Variants in YIPF1 observed in about 807,000 individuals in gnomAD.
YIPF1 encodes the protein protein YIPF1.
Under a neutral mutation model 37.0 loss-of-function variants are expected in YIPF1, and 22 were observed. The ratio of observed to expected loss-of-function variants is 0.59; its 90% confidence interval spans 0.42 to 0.85. The LOEUF (loss-of-function observed/expected upper bound fraction) is 0.85. Among genes scored for constraint, YIPF1 ranks in the 40% least tolerant of loss-of-function variants. The pLI is 0.00. For synonymous variants in YIPF1, 128 were observed against 131.9 expected (o/e 0.97, Z 0.21); for missense variants, 355 against 373.1 (o/e 0.95, Z 0.40).
At chr1:53,884,254 C>G (rs1231591817) in intron 3 of YIPF1, among the ~76,000 whole-genome samples, 1 of 129,838 alleles carries the variant, frequency 7.7e-6, no homozygotes, top group African/African-American at 3.0e-5. Flanking sequence ...AAAAAAAACC[C>G]AAAAAACAAA....
rs183429316 is a variant in YIPF1, at chr1:53,864,066, A to C, written c.831+2134T>G. 2.2e-3 allele frequency among the ~76,000 whole-genome samples: 337 copies of C among 152,234 alleles called. 1 individual carries two copies. The highest frequency in any genetic ancestry group is 7.9e-3 in the African/African-American group (327 of 41,530). On this transcript the variant is annotated intron_variant, in intron 9 of 10. Transcript: ENST00000072644. Reference sequence around the variant, plus strand: ...CTGAAGTGGGTTCTTAATAATAACCATAATAGCTCCCTGCTTCACTGCTCA... The same window carrying C: ...CTGAAGTGGGTTCTTAATAATAACCCTAATAGCTCCCTGCTTCACTGCTCA...
In YIPF1 at chr1:53,869,332, G is replaced by T. The variant is rs188843726; in HGVS notation, c.481+2040C>A. On this transcript the variant is annotated intron_variant, in intron 7 of 10. Coordinates refer to ENST00000072644, the MANE Select transcript of YIPF1 (RefSeq NM_018982.5). Reference sequence around the variant, plus strand: ...ATTGAATATATGTGCACATATTTTTGTGTGTGTGTGTGTGTATAGTAATAG... The same window carrying T: ...ATTGAATATATGTGCACATATTTTTTTGTGTGTGTGTGTGTATAGTAATAG... 8.1e-3 allele frequency among the ~76,000 whole-genome samples: 1,202 copies of T among 148,144 alleles called. 10 individuals carry two copies. Among genetic ancestry groups the T allele is most frequent in the African/African-American group, 0.029 (1,145 of 39,200 alleles).
At position 53,888,868 on chromosome 1, in the gene YIPF1, GTGA is replaced by G. The variant is rs1650726521; in HGVS notation, c.31+36_31+38del. On this transcript the variant is annotated intron_variant, in intron 3 of 10. Coordinates refer to ENST00000072644, the MANE Select transcript of YIPF1 (RefSeq NM_018982.5). Reference sequence around the variant, plus strand: ...AATACTTGCTGTGACTGTAGCAACAGTGATCATAAATATAAAGGTGGGCACCCA... The same window carrying G: ...AATACTTGCTGTGACTGTAGCAACAGTCATAAATATAAAGGTGGGCACCCA... 3 of 1,544,686 alleles carry G rather than the reference GTGA, an allele frequency of 1.9e-6. No individual in the cohort carries two copies. In the African/African-American group the frequency reaches 4.1e-5, roughly 21 times the overall value.
At chr1:53,854,874 T>C (rs1411849678) in intron 10 of YIPF1, 1 of 151,980 alleles carries the variant, frequency 6.6e-6, no homozygotes, top group Non-Finnish European at 1.5e-5. Flanking sequence ...GGAGCTATAT[T>C]GGTAAATAAA....
At chr1:53,885,816 T>C (rs1451776336) in intron 3 of YIPF1, among the ~76,000 whole-genome samples, 1 of 36,492 alleles carries the variant, frequency 2.7e-5, no homozygotes, top group Non-Finnish European at 4.9e-5. Flanking sequence ...CGAGACTCGG[T>C]CTCAAAAAAA....
Position 53,851,845 on chromosome 1 carries a change from T to C in YIPF1, c.*434A>G, listed in dbSNP as rs1040819853. ...CCCACCAAAGTTTCTACTGTTCGGCTACTTCAGGATGGCTAACATTTGGAG... is the reference window on the plus strand; with the variant it reads ...CCCACCAAAGTTTCTACTGTTCGGCCACTTCAGGATGGCTAACATTTGGAG... On this transcript the variant is annotated 3_prime_UTR_variant, in exon 11 of 11. Transcript: ENST00000072644. 1 of 152,238 alleles carries C rather than the reference T, an allele frequency of 6.6e-6. No homozygotes were observed. Among genetic ancestry groups the C allele is most frequent in the Admixed American group, 6.5e-5 (1 of 15,282 alleles). 9.4% of individuals were successfully genotyped at this position (152,238 alleles called of 1,614,324 possible).
At chr1:53,865,241 G>C (rs549322226) in intron 9 of YIPF1, among the ~76,000 whole-genome samples, 137 of 152,098 alleles carry the variant, frequency 9.0e-4, no homozygotes, top group African/African-American at 3.3e-3. Flanking sequence ...TTCTAGGTAT[G>C]TGCAGAAAAT....
intron 7 of YIPF1, among the ~76,000 whole-genome samples, chr1:53,870,847 T>C (rs1367086149): frequency 6.6e-6 from 1 of 151,078 alleles, no homozygotes; most frequent in African/African-American, 2.4e-5. Context: ...CCTATCTCTA[T>C]AAAAAAATAG....
chr1:53,885,718 G>A (rs1431440583), intron 3 of YIPF1, among the ~76,000 whole-genome samples: 1 of 150,708 alleles, frequency 6.6e-6, no homozygotes, highest in African/African-American at 2.5e-5. Flanking sequence ...CTACTCAGGA[G>A]GGTGAGGCAC....
At chr1:53,871,346 C>G in intron 7 of YIPF1, 26 bp downstream of exon 7, 1 of 1,597,906 alleles carries the variant, frequency 6.3e-7, no homozygotes, top group Non-Finnish European at 8.6e-7. Flanking sequence ...TGACAGCATT[C>G]CAAATGAGTC....
chr1:53,886,132 G>A (rs1423866325), intron 3 of YIPF1, among the ~76,000 whole-genome samples: 1 of 151,942 alleles, frequency 6.6e-6, no homozygotes. Context: ...TAGTTATTGG[G>A]ATCAGGAAAG....
At chr1:53,856,114 C>T (rs1045797924) in intron 10 of YIPF1, among the ~76,000 whole-genome samples, 4 of 152,194 alleles carry the variant, frequency 2.6e-5, no homozygotes, top group African/African-American at 9.7e-5. Flanking sequence ...GCAATTGATG[C>T]TTCTGCCAGG....
intron 3 of YIPF1, among the ~76,000 whole-genome samples, chr1:53,886,198 T>G (rs1311600595): frequency 6.6e-6 from 1 of 151,756 alleles, no homozygotes; most frequent in African/African-American, 2.4e-5. Flanking sequence ...GGGGATGGCA[T>G]CTCATGCAAA....
At chr1:53,866,071 A>G in intron 9 of YIPF1, 129 bp downstream of exon 9, 1 of 1,226,298 alleles carries the variant, frequency 8.2e-7, no homozygotes, top group Non-Finnish European at 1.1e-6. Flanking sequence ...AAGTATTGGG[A>G]TTATGGGTGT....
Position 53,860,162 on chromosome 1 carries a change from A to G in YIPF1, c.832-9T>C, listed in dbSNP as rs757585297. On this transcript the variant is annotated splice_polypyrimidine_tract_variant and intron_variant, in intron 9 of 10. Transcript: ENST00000072644. ...GCATCAAAAAAGTATGCCTGTGGGG[A>G]AAAAAAGACCCAGGAGGGAGTTAAA... The G allele has an allele frequency of 5.6e-6, 9 of 1,608,930 alleles. No homozygotes were observed. Among genetic ancestry groups the G allele is most frequent in the African/African-American group, 1.3e-5 (1 of 74,844 alleles).
chr1:53,874,910 A>G (rs1310002891), intron 6 of YIPF1, among the ~76,000 whole-genome samples: 2 of 152,162 alleles, frequency 1.3e-5, no homozygotes, highest in Non-Finnish European at 1.5e-5. Context: ...CCATGTATAA[A>G]TATAGTAGCA....
intron 4 of YIPF1, among the ~76,000 whole-genome samples, chr1:53,879,746 C>T (rs1261456127): frequency 6.6e-6 from 1 of 152,102 alleles, no homozygotes; most frequent in Non-Finnish European, 1.5e-5. Context: ...AACGGATGGC[C>T]GATTAGAAGT....
intron 3 of YIPF1, among the ~76,000 whole-genome samples, chr1:53,884,165 G>A (rs1650577094): frequency 6.7e-6 from 1 of 148,984 alleles, no homozygotes. Context: ...AGCCTCAGAG[G>A]TAGAGGCTGC....
chr1:53,874,216 C>G (rs1457995556), intron 6 of YIPF1, among the ~76,000 whole-genome samples: 2 of 152,108 alleles, frequency 1.3e-5, no homozygotes, highest in African/African-American at 2.4e-5. Flanking sequence ...TCCAGCTACC[C>G]CCAGTGGAAG....
Sources: gnomAD v4.1 joint callset for allele counts (sites outside exome capture counted in the v4.1 genomes callset) on GRCh38, gnomAD v4.1.1 for gene constraint, MANE v1.5 for transcripts, NCBI Gene and HGNC (gene_info 2026-07-23, HGNC 2026-07-21) for gene names.